EBF1: variants seen among roughly 807,000 people sequenced by gnomAD.
EBF1 encodes EBF transcription factor 1, also known as transcription factor COE1.
In EBF1, 10 loss-of-function variants were observed where a neutral mutation model predicts 68.4. The observed-to-expected ratio is 0.15, with a 90% confidence interval of 0.09 to 0.25. The LOEUF (loss-of-function observed/expected upper bound fraction) is 0.25, where lower values mean the gene tolerates loss of function less well. Ranked by LOEUF, EBF1 falls within the 10% of genes least tolerant of loss-of-function variation. The pLI is 1.00. For missense variants in EBF1, 509 were observed against 794.4 expected (o/e 0.64, Z 4.32); for synonymous variants, 298 against 299.8 (o/e 0.99, Z 0.06).
intron 6 of EBF1, among the ~76,000 whole-genome samples, chr5:158,848,570 T>C (rs1791988962): frequency 6.6e-6 from 1 of 152,200 alleles, no homozygotes; most frequent in Non-Finnish European, 1.5e-5. Flanking sequence ...ACAAAACCAA[T>C]GTAATCTGGG....
chr5:159,084,784 C>T, intron 4 of EBF1, 45 bp from the exon 5 acceptor site: 3 of 1,311,838 alleles, frequency 2.3e-6, no homozygotes, highest in Admixed American at 5.1e-5. Flanking sequence ...AAAGGAGTAG[C>T]AGAAAAAAAA....
rs1175061159 is a variant in EBF1 at position 158,801,111 on chromosome 5, AGAG to A, written c.779-4639_779-4637del. ...CCCACCCCTCACCAGCCACGAAAGT[AGAG>A]GAGATTTTCCTTCCTTCAAACTATG... On this transcript the variant is annotated intron_variant, in intron 8 of 15. Transcript: ENST00000313708. Among the ~76,000 whole-genome samples, 11 of 152,144 alleles carry A rather than the reference AGAG, an allele frequency of 7.2e-5. No individual in the cohort carries two copies. In the East Asian group the frequency reaches 9.7e-4, roughly 13 times the overall value.
chr5:158,718,091 T>C (rs760264849), intron 11 of EBF1, among the ~76,000 whole-genome samples: 1 of 152,198 alleles, frequency 6.6e-6, no homozygotes, highest in Non-Finnish European at 1.5e-5. Flanking sequence ...GGGCTACAAA[T>C]ATAAAGGGAA....
intron 10 of EBF1, among the ~76,000 whole-genome samples, chr5:158,733,578 C>G (rs139017340): frequency 6.6e-6 from 1 of 151,964 alleles, no homozygotes; most frequent in Non-Finnish European, 1.5e-5. Flanking sequence ...TCGGCTGCCA[C>G]AGAGTAATTG....
intron 10 of EBF1, among the ~76,000 whole-genome samples, chr5:158,753,602 T>G (rs1769408683): frequency 6.6e-6 from 1 of 152,078 alleles, no homozygotes; most frequent in Non-Finnish European, 1.5e-5. Context: ...CAACCAGATA[T>G]TTTTTCTCCT....
intron 13 of EBF1, among the ~76,000 whole-genome samples, chr5:158,712,693 T>C (rs1759676192): frequency 6.6e-6 from 1 of 152,146 alleles, no homozygotes; most frequent in African/African-American, 2.4e-5. Flanking sequence ...CTCAAAACTT[T>C]AATTCCATCC....
chr5:159,045,058 C>CCTTTTATTATGTTTCCTTA (rs1772064597), intron 6 of EBF1, among the ~76,000 whole-genome samples: 1 of 151,914 alleles, frequency 6.6e-6, no homozygotes, highest in African/African-American at 2.4e-5. Flanking sequence ...ATGTTTTCCT[C>CCTTTTATTATGTTTCCTTA]CTTTTATTAT....
intron 6 of EBF1, among the ~76,000 whole-genome samples, chr5:159,067,043 T>G (rs1776946689): frequency 6.6e-6 from 1 of 151,534 alleles, no homozygotes; most frequent in Non-Finnish European, 1.5e-5. Context: ...CTAAATGGAG[T>G]TTTTTAAATC....
At chr5:158,930,260 G>GTT (rs1007919859) in intron 6 of EBF1, among the ~76,000 whole-genome samples, 1 of 99,018 alleles carries the variant, frequency 1.0e-5, no homozygotes, top group Non-Finnish European at 2.4e-5. Context: ...TAGTTTTTTT[G>GTT]TTTTTTTTTT....
chr5:158,970,319 A>G (rs1002458651), intron 6 of EBF1, among the ~76,000 whole-genome samples: 1 of 152,182 alleles, frequency 6.6e-6, no homozygotes, highest in East Asian at 1.9e-4. Flanking sequence ...CTAGCAAACC[A>G]ATCAACAGCT....
At chr5:158,778,974 C>G (rs1413603630) in intron 9 of EBF1, among the ~76,000 whole-genome samples, 7 of 151,856 alleles carry the variant, frequency 4.6e-5, no homozygotes, top group African/African-American at 1.5e-4. Context: ...TTCTTAGCAC[C>G]TTCTAATTTG....
In EBF1 at chr5:158,696,894, T is replaced by C. The variant is rs1005242286; in HGVS notation, c.*2217A>G. On this transcript the variant is annotated 3_prime_UTR_variant, in exon 16 of 16. Transcript: ENST00000313708. ...CAGTTCTTTTGTGCTTTTCGATTTC[T>C]TTGTTTTTTTTTTTTTCTTTTTTTC... is the stretch of plus-strand genomic sequence containing the variant. The C allele has an allele frequency of 5.0e-6, 1 of 200,168 alleles. No individual in the cohort carries two copies. Among genetic ancestry groups the C allele is most frequent in the African/African-American group, 2.3e-5 (1 of 43,006 alleles). 12.4% of individuals were successfully genotyped at this position (200,168 alleles called of 1,614,324 possible).
chr5:158,918,519 GTAAGAGAT>G (rs1352974038), intron 6 of EBF1, among the ~76,000 whole-genome samples: 2 of 152,222 alleles, frequency 1.3e-5, no homozygotes, highest in Admixed American at 1.3e-4. Flanking sequence ...CAGAGAATTA[GTAAGAGAT>G]AAAGAGATTG....
chr5:158,875,509 C>T (rs1167343342), intron 6 of EBF1, among the ~76,000 whole-genome samples: 1 of 152,156 alleles, frequency 6.6e-6, no homozygotes, highest in Non-Finnish European at 1.5e-5. Flanking sequence ...CCTGCTTTCA[C>T]TACATTCATA....
chr5:158,862,532 G>C (rs73816079), intron 6 of EBF1, among the ~76,000 whole-genome samples: 1 of 152,020 alleles, frequency 6.6e-6, no homozygotes, highest in Non-Finnish European at 1.5e-5. Flanking sequence ...AGCCCCCTAC[G>C]TGCCACTATG....
rs780351966 is a variant in EBF1, at chr5:158,708,109, C to A, written c.1614G>T (p.Ser538=). The A allele has an allele frequency of 1.3e-6, 2 of 1,586,660 alleles. No individual in the cohort carries two copies. Among genetic ancestry groups the A allele is most frequent in the East Asian group, 2.3e-5 (1 of 43,862 alleles). ...TSLPSNCSSS[S]GIFSFSPANM... ...TGGCTGGTGAGAAGGAGAAGATGCC[C>A]GAGGAGCTGCTGCAGTTGGAGGGGA... is the stretch of plus-strand genomic sequence containing the variant. The change falls in exon 15 of 16, where the codon TCG becomes TCT. Residue 538 remains serine (S), a synonymous_variant. Transcript: ENST00000313708.
intron 6 of EBF1, among the ~76,000 whole-genome samples, chr5:159,024,550 C>G (rs536652809): frequency 6.6e-6 from 1 of 152,304 alleles, no homozygotes. Flanking sequence ...TAATGTTAGG[C>G]TCTTTCCAAA....
chr5:158,811,637 C>T (rs184318231), intron 8 of EBF1, among the ~76,000 whole-genome samples: 3 of 152,194 alleles, frequency 2.0e-5, no homozygotes, highest in Non-Finnish European at 4.4e-5. Context: ...AAGTACTTAA[C>T]AACCGCTATC....
At chr5:158,816,563 G>A (rs1783781541) in intron 8 of EBF1, among the ~76,000 whole-genome samples, 1 of 152,190 alleles carries the variant, frequency 6.6e-6, no homozygotes, top group African/African-American at 2.4e-5. Flanking sequence ...CCCCTGGTGG[G>A]AGGGGAGAGA....
Sources: gnomAD v4.1 joint callset for allele counts (sites outside exome capture counted in the v4.1 genomes callset) on GRCh38, gnomAD v4.1.1 for gene constraint, MANE v1.5 for transcripts, NCBI Gene and HGNC (gene_info 2026-07-23, HGNC 2026-07-21) for gene names.